CACNA1C: variants seen among roughly 807,000 people sequenced by gnomAD.
CACNA1C encodes the protein voltage-dependent L-type calcium channel subunit alpha-1C.
Under a neutral mutation model 229.0 loss-of-function variants are expected in CACNA1C, and 30 were observed. The observed-to-expected ratio is 0.13, with a 90% CI of 0.10 to 0.18. The LOEUF (loss-of-function observed/expected upper bound fraction) is 0.18. Among genes scored for constraint, CACNA1C ranks in the 10% least tolerant of loss-of-function variants. The probability of loss-of-function intolerance (pLI) is 1.00; values close to 1 mark genes in which losing one functional copy is unlikely to be tolerated. For missense variants in CACNA1C, 1,658 were observed against 2,845.0 expected (o/e 0.58, Z 9.49); for synonymous variants, 1,114 against 1,132.5 (o/e 0.98, Z 0.33).
intron 3 of CACNA1C, among the ~76,000 whole-genome samples, chr12:2,368,541 T>A (rs2097776484): frequency 1.3e-5 from 2 of 152,224 alleles, no homozygotes; most frequent in African/African-American, 4.8e-5. Flanking sequence ...ACAAAACTTT[T>A]AAAATGTGCT....
chr12:2,643,391 A>G (rs1314252985), intron 30 of CACNA1C, among the ~76,000 whole-genome samples: 5 of 152,068 alleles, frequency 3.3e-5, no homozygotes, highest in Non-Finnish European at 7.4e-5. Flanking sequence ...CACTCACACC[A>G]AACCAAAATG....
chr12:2,151,839 G>A (rs552119410), intron 3 of CACNA1C, among the ~76,000 whole-genome samples: 4 of 152,298 alleles, frequency 2.6e-5, no homozygotes, highest in African/African-American at 9.6e-5. Flanking sequence ...TGCACGGGTG[G>A]ATGAGCCAAG....
chr12:2,284,905 T>C lies in CACNA1C; in HGVS notation c.478-164071T>C, dbSNP rs377617679. Among the ~76,000 whole-genome samples the C allele has an allele frequency of 5.3e-5, 8 of 152,344 alleles. No homozygotes were observed. The South Asian group carries it at 1.5e-3, about 28-fold the overall frequency. On this transcript the variant is annotated intron_variant, in intron 3 of 46. Coordinates refer to ENST00000399655, the MANE Select transcript of CACNA1C (RefSeq NM_000719.7). ...TCCTTAGAGCCTGAAGCCTCCTCCTTGTTACCTTCCTGGTAGCCACAGAAT... is the reference window on the plus strand; with the variant it reads ...TCCTTAGAGCCTGAAGCCTCCTCCTCGTTACCTTCCTGGTAGCCACAGAAT...
At chr12:2,413,144 C>T (rs1853866065) in intron 3 of CACNA1C, among the ~76,000 whole-genome samples, 1 of 152,162 alleles carries the variant, frequency 6.6e-6, no homozygotes, top group Non-Finnish European at 1.5e-5. Flanking sequence ...AAACTTCCCA[C>T]GTACCTGGGA....
intron 43 of CACNA1C, among the ~76,000 whole-genome samples, chr12:2,683,072 A>G (rs2097258734): frequency 1.3e-5 from 2 of 152,278 alleles, no homozygotes; most frequent in Non-Finnish European, 2.9e-5. Context: ...GTTTCAAGAC[A>G]CTGCTTATAA....
intron 21 of CACNA1C, among the ~76,000 whole-genome samples, chr12:2,599,892 C>A (rs116665835): frequency 2.0e-5 from 3 of 152,156 alleles, no homozygotes; most frequent in Non-Finnish European, 4.4e-5. Flanking sequence ...ATGTTCCCAC[C>A]GCCCCCACAT....
chr12:2,229,073 T>TGAGAACCAA (rs1415853368), intron 3 of CACNA1C, among the ~76,000 whole-genome samples: 11 of 152,114 alleles, frequency 7.2e-5, no homozygotes, highest in African/African-American at 2.7e-4. Context: ...CTTAGGGGTG[T>TGAGAACCAA]GAGAACCAAG....
chr12:2,686,704 G>A (rs1226357977), intron 45 of CACNA1C, among the ~76,000 whole-genome samples: 2 of 152,216 alleles, frequency 1.3e-5, no homozygotes, highest in African/African-American at 2.4e-5. Flanking sequence ...AGTGATTAAA[G>A]AACCCACCAG....
chr12:2,249,798 TCTCA>T (rs2074884499), intron 3 of CACNA1C, among the ~76,000 whole-genome samples: 1 of 139,522 alleles, frequency 7.2e-6, no homozygotes, highest in Non-Finnish European at 1.5e-5. Context: ...TGAGATGGAG[TCTCA>T]CTCTGTTGCC....
intron 21 of CACNA1C, among the ~76,000 whole-genome samples, chr12:2,600,040 G>A (rs2071112003): frequency 6.6e-6 from 1 of 152,190 alleles, no homozygotes; most frequent in South Asian, 2.1e-4. Context: ...TGTTCTGTTA[G>A]AGCTCAGTAG....
intron 5 of CACNA1C, among the ~76,000 whole-genome samples, chr12:2,459,169 G>GTTTTTT (rs59909090): frequency 5.5e-5 from 6 of 109,438 alleles, no homozygotes; most frequent in Non-Finnish European, 9.3e-5. Flanking sequence ...TTTTGTGTGT[G>GTTTTTT]TTTTTTTTTT....
rs1312152353 is a variant in CACNA1C, at chr12:2,029,672, TC to T, written c.139+58474del. Among the ~76,000 whole-genome samples the T allele has an allele frequency of 6.6e-6, 1 of 152,198 alleles. No homozygotes were observed. The highest frequency in any genetic ancestry group is 1.5e-5 in the Non-Finnish European group (1 of 68,028). ...TTTTGTTGCCTTTGTCTCTCACCAC[TC>T]CCGAAGTGAGGCTAACTGACTGTGA... is the stretch of plus-strand genomic sequence containing the variant. On this transcript the variant is annotated intron_variant, in intron 1 of 46. Coordinates refer to the CACNA1C transcript ENST00000682462. This position sits in a 1 kb window ranked among gnomAD's most constrained non-coding sequence, Gnocchi z 4.9.
intron 1 of CACNA1C, among the ~76,000 whole-genome samples, chr12:1,987,781 T>C (rs1393013004): frequency 6.6e-6 from 1 of 152,200 alleles, no homozygotes; most frequent in East Asian, 1.9e-4. Flanking sequence ...TCTTTAACTA[T>C]GTATTATGAT....
chr12:2,661,230 C>T (rs921243888), intron 34 of CACNA1C, among the ~76,000 whole-genome samples: 1 of 151,206 alleles, frequency 6.6e-6, no homozygotes, highest in African/African-American at 2.4e-5. Context: ...CCACTGCACT[C>T]CAGCCTGGGT....
Position 2,575,461 on chromosome 12 carries a change from C to A in CACNA1C, c.1896-6129C>A, listed in dbSNP as rs2058052042. 6.6e-6 allele frequency among the ~76,000 whole-genome samples: 1 copy of A among 152,136 alleles called. No individual in the cohort carries two copies. The highest frequency in any genetic ancestry group is 2.4e-5 in the African/African-American group (1 of 41,404). The stretch of plus-strand genomic sequence containing the variant: ...TGACGGAAGCTCTGCTCTGAGGACA[C>A]CCCCTCCTGTGCTCACTTGCTGGAT... On this transcript the variant is annotated intron_variant, in intron 13 of 46. Transcript: ENST00000399655. The surrounding 1 kb of genome is among the most constrained non-coding windows in gnomAD (Gnocchi z 4.0).
At chr12:2,008,469 A>G (rs906278613) in intron 1 of CACNA1C, among the ~76,000 whole-genome samples, 2 of 152,210 alleles carry the variant, frequency 1.3e-5, no homozygotes, top group African/African-American at 4.8e-5. Flanking sequence ...TTATGTGCTT[A>G]TCACCACGTA....
At chr12:2,426,192 G>A (rs990025202) in intron 3 of CACNA1C, among the ~76,000 whole-genome samples, 2 of 152,158 alleles carry the variant, frequency 1.3e-5, no homozygotes, top group Non-Finnish European at 2.9e-5. Context: ...CGCCCACCCT[G>A]TGCAAAATAC....
At chr12:2,416,964 A>G (rs937693681) in intron 3 of CACNA1C, among the ~76,000 whole-genome samples, 1 of 152,142 alleles carries the variant, frequency 6.6e-6, no homozygotes, top group East Asian at 1.9e-4. Flanking sequence ...GCTTTTCATC[A>G]CAGACAGTCC....
intron 1 of CACNA1C, among the ~76,000 whole-genome samples, chr12:2,095,941 A>G (rs1364537106): frequency 6.6e-6 from 1 of 152,178 alleles, no homozygotes; most frequent in East Asian, 1.9e-4. Flanking sequence ...TAAAGTGATC[A>G]GGCACTGAGT....
Sources: allele counts gnomAD v4.1 joint callset (sites outside exome capture counted in the v4.1 genomes callset), GRCh38; gene constraint gnomAD v4.1.1; non-coding constraint Gnocchi (gnomAD v3.1); transcripts MANE v1.5; gene names NCBI Gene and HGNC (gene_info 2026-07-23, HGNC 2026-07-21).